RIN2: variants seen among roughly 807,000 people sequenced by gnomAD.
RIN2 encodes the protein Ras and Rab interactor 2.
RIN2 carries 36 observed loss-of-function variants against 78.0 expected under a neutral mutation model. The observed-to-expected ratio is 0.46, with a 90% CI of 0.35 to 0.61. RIN2 has a LOEUF of 0.61. RIN2 is among the 20% of genes least tolerant of loss of function. The pLI is 0.00. For missense variants in RIN2, 1,087 were observed against 1,159.7 expected (o/e 0.94, Z 0.91); for synonymous variants, 466 against 466.8 (o/e 1.00, Z 0.02).
chr20:19,870,632 A>G (rs939008838), intron 2 of RIN2, among the ~76,000 whole-genome samples: 1 of 152,206 alleles, frequency 6.6e-6, no homozygotes, highest in Non-Finnish European at 1.5e-5. Context: ...GGGCTATAGC[A>G]TTAGACTCTT....
intron 1 of RIN2, among the ~76,000 whole-genome samples, chr20:19,763,306 T>C (rs1310383672): frequency 6.6e-6 from 1 of 152,108 alleles, no homozygotes. Context: ...GAGAATCCCC[T>C]GAACCCGGGA....
intron 6 of RIN2, 66 bp downstream of exon 6, chr20:19,960,877 T>C (rs2041723465): frequency 1.0e-6 from 1 of 981,988 alleles, no homozygotes; most frequent in African/African-American, 1.6e-5. Context: ...GGAGTGGAAA[T>C]GGAAGGAGCT....
intron 2 of RIN2, among the ~76,000 whole-genome samples, chr20:19,831,046 C>T (rs1334237341): frequency 6.6e-6 from 1 of 152,214 alleles, no homozygotes; most frequent in Non-Finnish European, 1.5e-5. Context: ...TAAACTCTGT[C>T]TCCAAGTCTG....
intron 3 of RIN2, among the ~76,000 whole-genome samples, chr20:19,918,259 AC>A (rs11478314): frequency 0.23 from 34,615 of 151,888 alleles, 4,679 homozygotes; most frequent in East Asian, 0.55. Context: ...GCAACCTCCC[AC>A]CCAAGGCCAA....
chr20:19,867,954 C>A (rs1205353815), intron 2 of RIN2, among the ~76,000 whole-genome samples: 1 of 152,218 alleles, frequency 6.6e-6, no homozygotes, highest in Non-Finnish European at 1.5e-5. Context: ...CAAGAAAGGG[C>A]AGCATCAGCA....
rs1253391639 is a variant in RIN2 at position 19,975,506 on chromosome 20, A to C, written c.1481A>C (p.Lys494Thr). 1 of 1,614,060 alleles carries C rather than the reference A, an allele frequency of 6.2e-7. No homozygotes were observed. Among genetic ancestry groups the C allele is most frequent in the South Asian group, 1.1e-5 (1 of 91,086 alleles). ...TCCTTCGTGCTGCCCAAGCTCGTCA[A>C]GTCCCAGCTGCAGAAGGTGAGCGGG... ...SSSFVLPKLVKSQLQKVSGVF... is the reference protein window; with the variant it reads ...SSSFVLPKLVTSQLQKVSGVF... Residue 494 changes from lysine to threonine, a missense_variant, in exon 9 of 13, where the codon AAG becomes ACG. This residue lies in a region of RIN2 where 706 missense variants were observed against 667.5 expected (regional missense o/e 1.06). Transcript: ENST00000255006. This position sits in a 1 kb window ranked among gnomAD's most constrained non-coding sequence, Gnocchi z 4.9.
At position 19,905,167 on chromosome 20, in the gene RIN2, C is replaced by T. The variant is rs75123893; in HGVS notation, c.57+15509C>T. 5.8e-3 allele frequency among the ~76,000 whole-genome samples: 890 copies of T among 152,210 alleles called. 11 individuals are homozygous for T. Among genetic ancestry groups the T allele is most frequent in the African/African-American group, 0.02 (847 of 41,528 alleles). Reference sequence around the variant, plus strand: ...AGTATCATGGTTTTCTTCTCTGCCCCGATTCAGAATCTGCTCAGCAAAAGC... The same window carrying T: ...AGTATCATGGTTTTCTTCTCTGCCCTGATTCAGAATCTGCTCAGCAAAAGC... On this transcript the variant is annotated intron_variant, in intron 3 of 12. Transcript: ENST00000255006.
intron 2 of RIN2, among the ~76,000 whole-genome samples, chr20:19,884,905 C>A (rs1004214416): frequency 6.6e-6 from 1 of 152,166 alleles, no homozygotes; most frequent in Non-Finnish European, 1.5e-5. Flanking sequence ...TCGGACTTGA[C>A]CTGACAGGTC....
intron 2 of RIN2, among the ~76,000 whole-genome samples, chr20:19,821,583 A>G (rs2122902109): frequency 6.6e-6 from 1 of 152,130 alleles, no homozygotes; most frequent in East Asian, 1.9e-4. Context: ...GCCTCCAGCA[A>G]TAGTGGGCAG....
At chr20:19,844,581 GCTGCTGCTGCTGCTTCTTCCT>G (rs2036676088) in intron 2 of RIN2, among the ~76,000 whole-genome samples, 1 of 138,714 alleles carries the variant, frequency 7.2e-6, no homozygotes, top group African/African-American at 2.7e-5. Context: ...GAGAGCTGCT[GCTGCTGCTGCTGCTTCTTCCT>G]CTTCTTCTTC....
intron 12 of RIN2, among the ~76,000 whole-genome samples, chr20:19,999,253 CAG>C (rs2043066706): frequency 1.3e-5 from 2 of 152,156 alleles, no homozygotes; most frequent in Admixed American, 6.5e-5. Context: ...ACTAGTCAAA[CAG>C]GGATTATGTA....
intron 2 of RIN2, among the ~76,000 whole-genome samples, chr20:19,883,013 T>G: frequency 6.6e-6 from 1 of 152,194 alleles, no homozygotes; most frequent in East Asian, 1.9e-4. Context: ...AAAGTTGTAC[T>G]CAGATTTTTG....
intron 2 of RIN2, among the ~76,000 whole-genome samples, chr20:19,843,406 A>G (rs1364102641): frequency 6.6e-6 from 1 of 152,242 alleles, no homozygotes; most frequent in East Asian, 1.9e-4. Flanking sequence ...TGCCACAGCA[A>G]CACCAACTTT....
chr20:19,819,215 A>G (rs1329335685), intron 2 of RIN2, among the ~76,000 whole-genome samples: 1 of 152,224 alleles, frequency 6.6e-6, no homozygotes, highest in African/African-American at 2.4e-5. Flanking sequence ...TGAGAAGTCC[A>G]AGGTCCAGGT....
At position 19,836,262 on chromosome 20, in the gene RIN2, C is replaced by G. The variant is rs1225961879; in HGVS notation, c.-37+36515C>G. On this transcript the variant is annotated intron_variant, in intron 2 of 12. Transcript: ENST00000255006. ...GATTATAACACTGAACATAAGAGAT[C>G]CCCATTTCTTCCAGGTAAATTCTTG... Among the ~76,000 whole-genome samples the G allele has an allele frequency of 2.0e-5, 3 of 152,324 alleles. No homozygotes were observed. The South Asian group carries it at 6.2e-4, about 32-fold the overall frequency.
intron 4 of RIN2, among the ~76,000 whole-genome samples, chr20:19,943,681 A>G (rs894809984): frequency 6.6e-6 from 1 of 152,202 alleles, no homozygotes; most frequent in African/African-American, 2.4e-5. Context: ...AATTTCTAGC[A>G]TTTTGATCTC....
At chr20:19,941,779 G>A (rs971954610) in intron 4 of RIN2, among the ~76,000 whole-genome samples, 1 of 152,040 alleles carries the variant, frequency 6.6e-6, no homozygotes, top group Non-Finnish European at 1.5e-5. Flanking sequence ...CCAACTCTTC[G>A]CTACACTATC....
intron 2 of RIN2, among the ~76,000 whole-genome samples, chr20:19,811,114 T>C (rs999488429): frequency 6.6e-6 from 1 of 152,016 alleles, no homozygotes; most frequent in African/African-American, 2.4e-5. Context: ...CTGTCGCTTC[T>C]TGGTGGTGGT....
chr20:19,778,692 G>A lies in RIN2; in HGVS notation c.-163+20365G>A, dbSNP rs76709857. ...AAACCCTGAGCTTCTTTGGGGCCAG[G>A]AACTGGGCCACACCAAGTAATGGGG... On this transcript the variant is annotated intron_variant, in intron 1 of 12. Transcript: ENST00000255006. Among the ~76,000 whole-genome samples the A allele has an allele frequency of 2.4e-3, 368 of 152,288 alleles. 2 individuals are homozygous for A. Among genetic ancestry groups the A allele is most frequent in the African/African-American group, 8.4e-3 (348 of 41,550 alleles).
Sources: allele counts gnomAD v4.1 joint callset (sites outside exome capture counted in the v4.1 genomes callset), GRCh38; gene constraint gnomAD v4.1.1; regional missense constraint gnomAD v4.1.1; non-coding constraint Gnocchi (gnomAD v3.1); transcripts MANE v1.5; gene names NCBI Gene and HGNC (gene_info 2026-07-23, HGNC 2026-07-21).